CTNNA3: variants seen among roughly 807,000 people sequenced by gnomAD.
CTNNA3 encodes catenin alpha 3.
A neutral mutation model predicts 95.7 loss-of-function variants in CTNNA3; 76 were observed. The observed-to-expected ratio is 0.79, with a 90% CI of 0.66 to 0.96. The LOEUF (loss-of-function observed/expected upper bound fraction) is 0.96. CTNNA3 is among the 40% of genes least tolerant of loss of function. CTNNA3 has a pLI of 0.00. For missense variants in CTNNA3, 1,191 were observed against 1,089.8 expected, an observed-to-expected ratio of 1.09 and a Z score of -1.31; for synonymous variants, 431 against 374.4, an observed-to-expected ratio of 1.15 and a Z score of -1.74.
chr10:67,276,091 A>C (rs1485054345), intron 5 of CTNNA3, among the ~76,000 whole-genome samples: 3 of 152,196 alleles, frequency 2.0e-5, no homozygotes, highest in African/African-American at 7.2e-5. Flanking sequence ...TATCACCAAA[A>C]TACAGACTTA....
intron 1 of CTNNA3, among the ~76,000 whole-genome samples, chr10:67,720,627 T>C (rs187920947): frequency 6.6e-6 from 1 of 152,246 alleles, no homozygotes; most frequent in African/African-American, 2.4e-5. Context: ...TTAGGTTGGC[T>C]AGATATGAAA....
intron 5 of CTNNA3, among the ~76,000 whole-genome samples, chr10:67,254,034 C>T (rs948018160): frequency 2.6e-5 from 4 of 152,072 alleles, no homozygotes; most frequent in African/African-American, 9.7e-5. Flanking sequence ...ATTTAAACTG[C>T]AATACAGTTT....
upstream of CTNNA3, among the ~76,000 whole-genome samples, chr10:67,696,473 A>C (rs1204419984): frequency 2.0e-5 from 3 of 152,212 alleles, no homozygotes; most frequent in South Asian, 2.1e-4. Context: ...TCACATCAAA[A>C]GATCAATTAT....
At chr10:66,895,017 T>C (rs941772007) in intron 7 of CTNNA3, among the ~76,000 whole-genome samples, 1 of 143,376 alleles carries the variant, frequency 7.0e-6, no homozygotes, top group Non-Finnish European at 1.5e-5. Context: ...AATTGTGCCA[T>C]TGGCGAGAGC....
chr10:67,103,243 A>G (rs1858442130), intron 7 of CTNNA3, among the ~76,000 whole-genome samples: 1 of 151,876 alleles, frequency 6.6e-6, no homozygotes, highest in South Asian at 2.1e-4. Flanking sequence ...GCTTTCCCAT[A>G]TCAATGTGAA....
intron 13 of CTNNA3, among the ~76,000 whole-genome samples, chr10:66,172,470 C>T (rs929327909): frequency 6.6e-6 from 1 of 151,918 alleles, no homozygotes; most frequent in African/African-American, 2.4e-5. Flanking sequence ...TTAGACTTAA[C>T]ATTCTTGTTT....
intron 6 of CTNNA3, among the ~76,000 whole-genome samples, chr10:67,199,363 T>TTTG (rs200825984): frequency 1.3e-5 from 2 of 151,190 alleles, no homozygotes; most frequent in African/African-American, 2.4e-5. Context: ...GTTTTTCCTT[T>TTTG]TTGTTGTTGT....
In CTNNA3 at chr10:66,107,977, A is replaced by G. The variant is rs2081971857; in HGVS notation, c.1885-4728T>C. On this transcript the variant is annotated intron_variant, in intron 13 of 17. Coordinates refer to ENST00000433211, the MANE Select transcript of CTNNA3 (RefSeq NM_013266.4). ...TGGCTAGCTTTCACTGACTTACTAA[A>G]ATCAAATAACCACCACAGTAATGTC... Among the ~76,000 whole-genome samples the G allele has an allele frequency of 2.0e-5, 3 of 151,964 alleles. No homozygotes were observed. The South Asian group carries it at 6.2e-4, about 31-fold the overall frequency.
chr10:65,953,771 A>T lies in CTNNA3; in HGVS notation c.2400+12841T>A, dbSNP rs558672733. ...TGGTGTATATGTGCCACATTTTCTT[A>T]ATCCAGTCTATCATTGATGGACATT... On this transcript the variant is annotated intron_variant, in intron 17 of 17. Coordinates refer to ENST00000433211, the MANE Select transcript of CTNNA3 (RefSeq NM_013266.4). Among the ~76,000 whole-genome samples, 3 of 152,234 alleles carry T rather than the reference A, an allele frequency of 2.0e-5. No individual in the cohort carries two copies. In the South Asian group the frequency reaches 6.2e-4, roughly 32 times the overall value.
chr10:67,543,856 A>G (rs1840757395), intron 3 of CTNNA3, among the ~76,000 whole-genome samples: 2 of 152,178 alleles, frequency 1.3e-5, no homozygotes, highest in African/African-American at 2.4e-5. Context: ...AGAAGCTTGA[A>G]TTTAACTTTT....
intron 5 of CTNNA3, among the ~76,000 whole-genome samples, chr10:67,508,070 G>A (rs1839484502): frequency 6.6e-6 from 1 of 152,108 alleles, no homozygotes; most frequent in Non-Finnish European, 1.5e-5. Flanking sequence ...CTGGAGTACA[G>A]TGGCGCAATT....
At chr10:66,198,773 T>C (rs1265970249) in intron 13 of CTNNA3, among the ~76,000 whole-genome samples, 1 of 152,228 alleles carries the variant, frequency 6.6e-6, no homozygotes, top group South Asian at 2.1e-4. Flanking sequence ...ATATACAATG[T>C]ACTTTATGTA....
chr10:66,640,279 T>C (rs563361353), intron 9 of CTNNA3, among the ~76,000 whole-genome samples: 1 of 152,228 alleles, frequency 6.6e-6, no homozygotes, highest in Non-Finnish European at 1.5e-5. Context: ...TGACCACTCA[T>C]GGCATAGTCG....
At chr10:66,211,148 T>C (rs2088128239) in intron 13 of CTNNA3, among the ~76,000 whole-genome samples, 1 of 152,100 alleles carries the variant, frequency 6.6e-6, no homozygotes, top group African/African-American at 2.4e-5. Context: ...GTTGCAACAG[T>C]AACACCATCA....
chr10:66,075,685 A>T (rs2133621447), intron 14 of CTNNA3, among the ~76,000 whole-genome samples: 1 of 151,874 alleles, frequency 6.6e-6, no homozygotes, highest in Middle Eastern at 3.4e-3. Flanking sequence ...TAATTATCTT[A>T]TTCTCAGAAG....
At chr10:66,676,577 TC>T (rs1384288986) in intron 9 of CTNNA3, among the ~76,000 whole-genome samples, 1 of 152,026 alleles carries the variant, frequency 6.6e-6, no homozygotes, top group Non-Finnish European at 1.5e-5. Context: ...AGAAACCATT[TC>T]TCATAGCCTG....
chr10:66,869,152 G>A (rs1844300027), intron 7 of CTNNA3, among the ~76,000 whole-genome samples: 1 of 152,154 alleles, frequency 6.6e-6, no homozygotes, highest in African/African-American at 2.4e-5. Flanking sequence ...ATTAAGTGCT[G>A]TATAAGCCAA....
At chr10:66,349,389 A>C (rs959694177) in intron 12 of CTNNA3, among the ~76,000 whole-genome samples, 1 of 152,086 alleles carries the variant, frequency 6.6e-6, no homozygotes, top group Non-Finnish European at 1.5e-5. Context: ...CAGAGGACAC[A>C]GTAAGCCATG....
chr10:66,932,139 G>A (rs1847436098), intron 7 of CTNNA3, among the ~76,000 whole-genome samples: 1 of 152,024 alleles, frequency 6.6e-6, no homozygotes, highest in Non-Finnish European at 1.5e-5. Context: ...CTGAACACTG[G>A]TTCTATTAGG....
Sources: gnomAD v4.1 joint callset for allele counts (sites outside exome capture counted in the v4.1 genomes callset) on GRCh38, gnomAD v4.1.1 for gene constraint, MANE v1.5 for transcripts, NCBI Gene and HGNC (gene_info 2026-07-23, HGNC 2026-07-21) for gene names.